The following TNPO1 variants were observed in gnomAD, a reference collection of about 807,000 sequenced individuals.
TNPO1 encodes transportin 1.
In TNPO1, 8 loss-of-function variants were observed where a neutral mutation model predicts 119.5. The ratio of observed to expected loss-of-function variants is 0.07; its 90% confidence interval spans 0.04 to 0.12. The LOEUF (loss-of-function observed/expected upper bound fraction) is 0.12. Among genes scored for constraint, TNPO1 ranks in the 10% least tolerant of loss-of-function variants. The probability of loss-of-function intolerance (pLI) is 1.00; values close to 1 mark genes in which losing one functional copy is unlikely to be tolerated. For synonymous variants in TNPO1, 362 were observed against 363.0 expected (o/e 1.00, Z 0.03); for missense variants, 576 against 1,089.8 (o/e 0.53, Z 6.64).
Position 72,816,709 on chromosome 5 carries a change from C to T in TNPO1, c.-29C>T. 11 of 1,564,380 alleles carry T rather than the reference C, an allele frequency of 7.0e-6. No homozygotes were observed. The highest frequency in any genetic ancestry group is 8.6e-6 in the Non-Finnish European group (10 of 1,157,436). Reference sequence around the variant, plus strand: ...GGACAGGAGGCAGTGCCGCTTCGGCCGAAGGCCCGAGCGCCCGAGGCGTCT... The same window carrying T: ...GGACAGGAGGCAGTGCCGCTTCGGCTGAAGGCCCGAGCGCCCGAGGCGTCT... On this transcript the variant is annotated 5_prime_UTR_variant, in exon 1 of 25. Coordinates refer to ENST00000337273, the MANE Select transcript of TNPO1 (RefSeq NM_002270.4).
Position 72,816,749 on chromosome 5 carries a change from C to G in TNPO1, c.12C>G (p.Asp4Glu). 1 of 1,585,878 alleles carries G rather than the reference C, an allele frequency of 6.3e-7. No homozygotes were observed. Among genetic ancestry groups the G allele is most frequent in the South Asian group, 1.2e-5 (1 of 86,538 alleles). The change falls in exon 1 of 25, where the codon GAC becomes GAG. Residue 4 changes from aspartate (D) to glutamate (E), a missense_variant. Around this residue, in one of 6 missense-constraint regions of TNPO1, gnomAD observed 57 missense variants for 59.5 expected, o/e 0.96. Transcript: ENST00000337273. MVW[D>E]RQTKMEYEWK... Reference sequence around the variant, plus strand: ...CCGAGGCGTCTGGGATGGTGTGGGACCGGGTAGGTGGCGTGAGGGTGCGCG... The same window carrying G: ...CCGAGGCGTCTGGGATGGTGTGGGAGCGGGTAGGTGGCGTGAGGGTGCGCG...
intron 1 of TNPO1, among the ~76,000 whole-genome samples, chr5:72,820,863 A>G (rs1047626759): frequency 6.6e-6 from 1 of 152,210 alleles, no homozygotes; most frequent in African/African-American, 2.4e-5. Context: ...AGAAAAAGAA[A>G]ATCTTTACCT....
intron 2 of TNPO1, among the ~76,000 whole-genome samples, chr5:72,849,211 T>G (rs1745360396): frequency 6.6e-6 from 1 of 152,088 alleles, no homozygotes; most frequent in Non-Finnish European, 1.5e-5. Flanking sequence ...CTTTACCGAG[T>G]GTGCTGGTGT....
chr5:72,875,459 T>G (rs749796180), intron 7 of TNPO1, among the ~76,000 whole-genome samples, 156 bp from the exon 8 acceptor site: 1 of 152,240 alleles, frequency 6.6e-6, no homozygotes, highest in Non-Finnish European at 1.5e-5. Flanking sequence ...TTGTCAGTTA[T>G]TCCACATTTA....
At position 72,913,127 on chromosome 5, in the gene TNPO1, CAA is replaced by C. The variant is rs1345449217; in HGVS notation, c.*4455_*4456del. The C allele has an allele frequency of 6.6e-6, 1 of 152,480 alleles. No homozygotes were observed. The highest frequency in any genetic ancestry group is 1.9e-4 in the East Asian group (1 of 5,196). The allele number at this position is 152,480 out of a possible 1,614,324, so 9.4% of individuals were successfully genotyped here. On this transcript the variant is annotated 3_prime_UTR_variant, in exon 25 of 25. Transcript: ENST00000337273. ...GATCAGTAATGAGCTGTGTTGTTAA[CAA>C]TATTATCTGGTAATAATACCATGCA...
chr5:72,893,040 C>A, intron 15 of TNPO1, 99 bp from the exon 16 acceptor site: 9 of 845,876 alleles, frequency 1.1e-5, no homozygotes, highest in East Asian at 2.6e-5. Flanking sequence ...GTAGAGCAAG[C>A]TCATAAATGA....
At chr5:72,873,261 A>G (rs776263028) in intron 7 of TNPO1, among the ~76,000 whole-genome samples, 1 of 152,116 alleles carries the variant, frequency 6.6e-6, no homozygotes, top group Non-Finnish European at 1.5e-5. Flanking sequence ...AACCATAAGC[A>G]CCACAATTTC....
chr5:72,908,647 C>T (rs1750343929), intron 24 of TNPO1, 62 bp from the exon 25 acceptor site: 2 of 155,424 alleles, frequency 1.3e-5, no homozygotes, highest in Non-Finnish European at 2.9e-5. Flanking sequence ...TTTTTTGTTC[C>T]ACTGGCTTTG....
rs748067503 is a variant in TNPO1, at chr5:72,900,058, G to T, written c.2391G>T (p.Met797Ile). 17 of 1,613,856 alleles carry T rather than the reference G, an allele frequency of 1.1e-5. No individual in the cohort carries two copies. Among genetic ancestry groups the T allele is most frequent in the Non-Finnish European group, 1.4e-5 (17 of 1,179,872 alleles). ...TTTGTCCTCAAGAGGTGGCCCCCAT[G>T]CTACAGCAGTTTATAAGACCCTGGT... ...GYVCPQEVAP[M>I]LQQFIRPWCT... Residue 797 changes from methionine (M) to isoleucine (I), a missense_variant, in exon 21 of 25, where the codon ATG becomes ATT. By Grantham distance (10) the Met-to-Ile change is conservative. Transcript: ENST00000337273.
intron 14 of TNPO1, 42 bp downstream of exon 14, chr5:72,889,999 C>T (rs367663602): frequency 8.8e-6 from 14 of 1,585,090 alleles, no homozygotes; most frequent in Non-Finnish European, 1.1e-5. Flanking sequence ...TAATGTGTAG[C>T]ATAGTTACAA....
chr5:72,912,964 T>C lies in TNPO1; in HGVS notation c.*4291T>C, dbSNP rs144324375. On this transcript the variant is annotated 3_prime_UTR_variant, in exon 25 of 25. Transcript: ENST00000337273. Reference sequence around the variant, plus strand: ...TCAAAACATACACAGCTTTGCTTACTGAATTATTTTTGCAAATAATACAAG... The same window carrying C: ...TCAAAACATACACAGCTTTGCTTACCGAATTATTTTTGCAAATAATACAAG... The C allele has an allele frequency of 6.5e-6, 1 of 152,672 alleles. No individual in the cohort carries two copies. The highest frequency in any genetic ancestry group is 1.5e-5 in the Non-Finnish European group (1 of 67,944). The allele number at this position is 152,672 out of a possible 1,614,324, so 9.5% of individuals were successfully genotyped here.
chr5:72,910,907 G>T lies in TNPO1; in HGVS notation c.*2234G>T, dbSNP rs1282124228. Reference sequence around the variant, plus strand: ...GCCTGAAATTAAATTATTTTATAGTGCCTGATATTTTTAATATTATAAGTT... The same window carrying T: ...GCCTGAAATTAAATTATTTTATAGTTCCTGATATTTTTAATATTATAAGTT... On this transcript the variant is annotated 3_prime_UTR_variant, in exon 25 of 25. Coordinates refer to ENST00000337273, the MANE Select transcript of TNPO1 (RefSeq NM_002270.4). 6.6e-6 allele frequency: 1 copy of T among 152,046 alleles called. No individual in the cohort carries two copies. The highest frequency in any genetic ancestry group is 1.9e-4 in the East Asian group (1 of 5,184). The allele number at this position is 152,046 out of a possible 1,614,324, so 9.4% of individuals were successfully genotyped here. A position where few individuals can be genotyped will look rare whatever the true frequency, so the allele number is the denominator to read the frequency against.
At chr5:72,878,139 G>A (rs1460890714) in intron 9 of TNPO1, among the ~76,000 whole-genome samples, 2 of 152,170 alleles carry the variant, frequency 1.3e-5, no homozygotes, top group East Asian at 3.9e-4. Context: ...GATTATATAT[G>A]TGTACGCTAT....
Position 72,865,335 on chromosome 5 carries a change from G to A in TNPO1, c.463-261G>A, listed in dbSNP as rs142428335. On this transcript the variant is annotated intron_variant, in intron 5 of 24. Coordinates refer to ENST00000337273, the MANE Select transcript of TNPO1 (RefSeq NM_002270.4). ...CAGGCACCTGTAATCCCAGCTACTC[G>A]GGAGGCTGAGGCAGGAGAGTCACTT... 8.7e-3 allele frequency among the ~76,000 whole-genome samples: 1,323 copies of A among 151,902 alleles called. 13 individuals are homozygous for A. The highest frequency in any genetic ancestry group is 0.051 in the Middle Eastern group (15 of 294).
At chr5:72,873,596 G>A (rs1476008991) in intron 7 of TNPO1, among the ~76,000 whole-genome samples, 1 of 152,138 alleles carries the variant, frequency 6.6e-6, no homozygotes, top group Non-Finnish European at 1.5e-5. Flanking sequence ...AACAGATACT[G>A]TGTTTGATAC....
Position 72,900,035 on chromosome 5 carries a change from T to C in TNPO1, c.2368T>C (p.Cys790Arg). ...AACAATTGGTCGTCTTGGTTACGTTTGTCCTCAAGAGGTGGCCCCCATGCT... is the reference window on the plus strand; with the variant it reads ...AACAATTGGTCGTCTTGGTTACGTTCGTCCTCAAGAGGTGGCCCCCATGCT... Reference protein sequence around the residue: ...AITIGRLGYVCPQEVAPMLQQ... With the variant: ...AITIGRLGYVRPQEVAPMLQQ... Residue 790 changes from cysteine to arginine, a missense_variant, in exon 21 of 25, where the codon TGT becomes CGT. Coordinates refer to ENST00000337273, the MANE Select transcript of TNPO1 (RefSeq NM_002270.4). 6.2e-7 allele frequency: 1 copy of C among 1,614,082 alleles called. No individual in the cohort carries two copies. Among genetic ancestry groups the C allele is most frequent in the Non-Finnish European group, 8.5e-7 (1 of 1,179,942 alleles).
rs147229941 is a variant in TNPO1 at position 72,877,073 on chromosome 5, C to A, written c.802-155C>A. 4.5e-3 allele frequency among the ~76,000 whole-genome samples: 551 copies of A among 122,436 alleles called. 6 individuals carry two copies. The highest frequency in any genetic ancestry group is 0.017 in the African/African-American group (524 of 31,272). The allele number at this position is 122,436 out of a possible 152,430, so 80.3% of individuals were successfully genotyped here. On this transcript the variant is annotated intron_variant, in intron 8 of 24. Coordinates refer to ENST00000337273, the MANE Select transcript of TNPO1 (RefSeq NM_002270.4). ...TCACGCCACTGCATTCCAGCCTGGG[C>A]GACAGAGTGAGACTGCATCTCAAAA...
chr5:72,857,516 C>T (rs1469652753), intron 4 of TNPO1, among the ~76,000 whole-genome samples: 5 of 152,206 alleles, frequency 3.3e-5, no homozygotes, highest in Admixed American at 1.3e-4. Context: ...CTAATGTACT[C>T]TTACGTACCT....
At position 72,816,763 on chromosome 5, in the gene TNPO1, T is replaced by G. The variant is rs1743709044; in HGVS notation, c.15+11T>G. ...ATGGTGTGGGACCGGGTAGGTGGCG[T>G]GAGGGTGCGCGGCCCCGAACTGCAG... On this transcript the variant is annotated intron_variant, in intron 1 of 24. Transcript: ENST00000337273. The G allele has an allele frequency of 1.3e-6, 2 of 1,583,264 alleles. No homozygotes were observed.
Sources: gnomAD v4.1 joint callset for allele counts (sites outside exome capture counted in the v4.1 genomes callset) on GRCh38, gnomAD v4.1.1 for gene constraint, gnomAD v4.1.1 regional missense constraint, MANE v1.5 for transcripts, NCBI Gene and HGNC (gene_info 2026-07-23, HGNC 2026-07-21) for gene names.